Variants in TPCN1 observed in about 807,000 individuals in gnomAD.
TPCN1 encodes the protein two pore channel protein 1.
A neutral mutation model predicts 108.8 loss-of-function variants in TPCN1; 52 were observed. The ratio of observed to expected loss-of-function variants is 0.48; its 90% CI spans 0.38 to 0.60. TPCN1 has a LOEUF of 0.60. TPCN1 is among the 20% of genes least tolerant of loss of function. TPCN1 has a pLI of 0.00. For synonymous variants in TPCN1, 446 were observed against 433.7 expected (o/e 1.03, Z -0.35); for missense variants, 806 against 1,072.8 (o/e 0.75, Z 3.47).
At chr12:113,244,481 A>G (rs1954271025) in intron 2 of TPCN1, 16 of 985,458 alleles carry the variant, frequency 1.6e-5, no homozygotes, top group Non-Finnish European at 1.8e-5. Context: ...AGGCCTGAGC[A>G]GGGGGATGTG....
chr12:113,276,628 G>A lies in TPCN1; in HGVS notation c.943-291G>A, dbSNP rs565025790. Among the ~76,000 whole-genome samples, 16 of 152,298 alleles carry A rather than the reference G, an allele frequency of 1.1e-4. 1 individual carries two copies. The East Asian group carries it at 3.1e-3, about 29-fold the overall frequency. On this transcript the variant is annotated intron_variant, in intron 10 of 27. Coordinates refer to ENST00000335509, the MANE Select transcript of TPCN1 (RefSeq NM_017901.6). ...CGCAGCCTGGGACAAGCTGTAGCTG[G>A]AACTGGGGAAAGGAGTGTGGGAAAG...
At chr12:113,260,739 G>T (rs1024750074) in intron 3 of TPCN1, among the ~76,000 whole-genome samples, 5 of 152,322 alleles carry the variant, frequency 3.3e-5, no homozygotes, top group African/African-American at 7.2e-5. Flanking sequence ...CCGGAGTCTG[G>T]CCACTCGGCC....
At chr12:113,267,812 C>A in intron 4 of TPCN1, 31 bp from the exon 5 acceptor site, 1 of 1,523,158 alleles carries the variant, frequency 6.6e-7, no homozygotes, top group Non-Finnish European at 9.1e-7. Flanking sequence ...CTGGGCTGGC[C>A]ATGACACATC....
In TPCN1 at chr12:113,269,631, C is replaced by A; in HGVS notation, c.660-126C>A. 1.3e-6 allele frequency: 1 copy of A among 796,422 alleles called. No individual in the cohort carries two copies. The allele number at this position is 796,422 out of a possible 1,614,324, so 49.3% of individuals were successfully genotyped here. A position where few individuals can be genotyped will look rare whatever the true frequency, so the allele number is the denominator to read the frequency against. On this transcript the variant is annotated intron_variant, in intron 6 of 27. Coordinates refer to ENST00000335509, the MANE Select transcript of TPCN1 (RefSeq NM_017901.6). This position sits in a 1 kb window ranked among gnomAD's most constrained non-coding sequence, Gnocchi z 5.0. ...TTTAGGAAAAAATGAAGCATGATGT[C>A]ACACCAGAGTGCGTCAGGGTTTAGT...
At position 113,231,662 on chromosome 12, in the gene TPCN1, G is replaced by A. The variant is rs1953691216; in HGVS notation, c.112+4698G>A. On this transcript the variant is annotated intron_variant, in intron 2 of 27. Coordinates refer to ENST00000335509, the MANE Select transcript of TPCN1 (RefSeq NM_017901.6). The surrounding 1 kb of genome is among the most constrained non-coding windows in gnomAD (Gnocchi z 4.3). ...AGGGCCTTATCCCTGCAGGAAACTG[G>A]AGGGTTTGGGTTTTTCTCCTTATAT... Among the ~76,000 whole-genome samples, 1 of 152,166 alleles carries A rather than the reference G, an allele frequency of 6.6e-6. No homozygotes were observed. The highest frequency in any genetic ancestry group is 1.5e-5 in the Non-Finnish European group (1 of 68,038).
intron 2 of TPCN1, among the ~76,000 whole-genome samples, chr12:113,237,519 G>GA (rs1953942107): frequency 6.6e-6 from 1 of 152,122 alleles, no homozygotes; most frequent in Admixed American, 6.5e-5. Flanking sequence ...ACCGCACCCT[G>GA]TTAATTTTTT....
At chr12:113,222,507 G>A (rs1338060068) in intron 1 of TPCN1, among the ~76,000 whole-genome samples, 1 of 152,192 alleles carries the variant, frequency 6.6e-6, no homozygotes, top group Non-Finnish European at 1.5e-5. Context: ...CCACTCCCAA[G>A]TTGTGACAGT....
At chr12:113,259,248 A>T (rs930591557) in intron 2 of TPCN1, among the ~76,000 whole-genome samples, 1 of 152,180 alleles carries the variant, frequency 6.6e-6, no homozygotes. Context: ...AAGTGCTGGG[A>T]TTACAGGCGT....
At chr12:113,260,031 T>G (rs1458414320) in intron 2 of TPCN1, among the ~76,000 whole-genome samples, 1 of 152,236 alleles carries the variant, frequency 6.6e-6, no homozygotes, top group Non-Finnish European at 1.5e-5. Context: ...GGCGACTGAT[T>G]TCATTGACTT....
intron 2 of TPCN1, among the ~76,000 whole-genome samples, chr12:113,227,906 G>C (rs545695784): frequency 6.2e-4 from 94 of 152,284 alleles, no homozygotes; most frequent in Admixed American, 5.5e-3. Flanking sequence ...AGGGATGTGA[G>C]TGTGGTGGGG....
At position 113,287,064 on chromosome 12, in the gene TPCN1, T is replaced by C; in HGVS notation, c.1604T>C (p.Ile535Thr). 5 of 1,613,756 alleles carry C rather than the reference T, an allele frequency of 3.1e-6. No individual in the cohort carries two copies. The highest frequency in any genetic ancestry group is 4.2e-6 in the Non-Finnish European group (5 of 1,179,950). The change falls in exon 19 of 28, where the codon ATC (isoleucine) becomes ACC (threonine). Residue 535 changes from isoleucine to threonine, a missense_variant. Ile to Thr is a moderately conservative substitution (Grantham distance 89, BLOSUM62 -1). Transcript: ENST00000335509. ...CTCAACATGGAGCCCTTCTATTTCA[T>C]CGTGGTCCTGCGCCCCCTCCAGCTG... ...LALNMEPFYFIVVLRPLQLLR... is the reference protein window; with the variant it reads ...LALNMEPFYFTVVLRPLQLLR...
At chr12:113,223,062 A>G (rs956834400) in intron 1 of TPCN1, among the ~76,000 whole-genome samples, 1 of 152,226 alleles carries the variant, frequency 6.6e-6, no homozygotes, top group African/African-American at 2.4e-5. Flanking sequence ...GCCAAATAGT[A>G]GTGTCTCATC....
chr12:113,285,210 C>T (rs1024532764), intron 17 of TPCN1, among the ~76,000 whole-genome samples: 1 of 152,208 alleles, frequency 6.6e-6, no homozygotes, highest in African/African-American at 2.4e-5. Flanking sequence ...GTCTTTCCTC[C>T]CACCTAGCTG....
chr12:113,224,942 G>A lies in TPCN1; in HGVS notation c.-125-1786G>A, dbSNP rs117432784. Among the ~76,000 whole-genome samples, 945 of 151,888 alleles carry A rather than the reference G, an allele frequency of 6.2e-3. 17 individuals carry two copies. In the East Asian group the frequency reaches 0.07, roughly 11 times the overall value. On this transcript the variant is annotated intron_variant, in intron 1 of 27. Coordinates refer to ENST00000335509, the MANE Select transcript of TPCN1 (RefSeq NM_017901.6). ...ATTTTTGTATCTTTAATAGAGGCGG[G>A]GTTTCTTCATTTTGGCCAGGCTGGT...
At chr12:113,279,393 T>A (rs372375790) in intron 14 of TPCN1, among the ~76,000 whole-genome samples, 7 of 61,812 alleles carry the variant, frequency 1.1e-4, no homozygotes, top group East Asian at 7.3e-4. Context: ...ATATATATAT[T>A]TTTTTTTTTT....
At chr12:113,241,588 C>G (rs1954127237) in intron 2 of TPCN1, among the ~76,000 whole-genome samples, 2 of 152,324 alleles carry the variant, frequency 1.3e-5, no homozygotes, top group South Asian at 4.2e-4. Flanking sequence ...CCAGAGCGCA[C>G]CAGTGCACAG....
At chr12:113,234,379 G>A (rs1953804694) in intron 2 of TPCN1, among the ~76,000 whole-genome samples, 1 of 152,246 alleles carries the variant, frequency 6.6e-6, no homozygotes, top group Non-Finnish European at 1.5e-5. Flanking sequence ...ATGAAGAGGA[G>A]CAGTTTGGAG....
intron 2 of TPCN1, chr12:113,246,129 CGTT>C (rs987903413): frequency 4.6e-6 from 2 of 434,808 alleles, no homozygotes; most frequent in African/African-American, 4.0e-5. Context: ...TCAGAGTTTG[CGTT>C]GTTGTTTTGT....
Position 113,289,223 on chromosome 12 carries a change from C to T in TPCN1, c.1796+376C>T, listed in dbSNP as rs147840655. Among the ~76,000 whole-genome samples the T allele has an allele frequency of 5.4e-3, 820 of 152,294 alleles. 9 individuals carry two copies. The highest frequency in any genetic ancestry group is 0.019 in the African/African-American group (769 of 41,560). On this transcript the variant is annotated intron_variant, in intron 21 of 27. Transcript: ENST00000335509. The surrounding 1 kb of genome is among the most constrained non-coding windows in gnomAD (Gnocchi z 4.1). The stretch of plus-strand genomic sequence containing the variant: ...GGACAGCATCGTAGGATAAGACAGA[C>T]GGACACGTGCAGGAAGGTCATGGTG...
Sources: gnomAD v4.1 joint callset for allele counts (sites outside exome capture counted in the v4.1 genomes callset) on GRCh38, gnomAD v4.1.1 for gene constraint, Gnocchi (gnomAD v3.1) non-coding constraint, MANE v1.5 for transcripts, NCBI Gene and HGNC (gene_info 2026-07-23, HGNC 2026-07-21) for gene names.